The following ISM1 variants were observed in gnomAD, a reference collection of about 807,000 sequenced individuals.
ISM1 encodes isthmin-1.
In ISM1, 25 loss-of-function variants were observed where a neutral mutation model predicts 46.3. That is an observed-to-expected ratio of 0.54 (90% CI 0.39 to 0.75). The LOEUF (loss-of-function observed/expected upper bound fraction) is 0.75, where lower values mean the gene tolerates loss of function less well. ISM1 is among the 30% of genes least tolerant of loss of function. The pLI is 0.00. For synonymous variants in ISM1, 255 were observed against 256.7 expected (o/e 0.99, Z 0.06); for missense variants, 536 against 625.4 (o/e 0.86, Z 1.52).
chr20:13,307,683 G>A, the ISM1 span, among the ~76,000 whole-genome samples: 8 of 152,270 alleles, frequency 5.3e-5, no homozygotes, highest in East Asian at 1.9e-4. Flanking sequence ...AAATGGAATC[G>A]TACAGCACCC....
At chr20:13,257,936 C>T (rs10485765) in intron 1 of ISM1, among the ~76,000 whole-genome samples, 32,829 of 151,880 alleles carry the variant, frequency 0.22, 4,017 homozygotes, top group East Asian at 0.41. Flanking sequence ...CAGCACCGTA[C>T]AGTGAAAGGA....
chr20:13,299,570 T>C lies in ISM1; in HGVS notation c.*111T>C. On this transcript the variant is annotated 3_prime_UTR_variant, in exon 6 of 6. Coordinates refer to ENST00000262487, the MANE Select transcript of ISM1 (RefSeq NM_080826.2). This position sits in a 1 kb window ranked among gnomAD's most constrained non-coding sequence, Gnocchi z 5.8. ...TCATAGCTGCGGTCGTGTATATTTG[T>C]ATATACCACATGAGTATTTCTCATA... 1 of 979,122 alleles carries C rather than the reference T, an allele frequency of 1.0e-6. No homozygotes were observed. Among genetic ancestry groups the C allele is most frequent in the Non-Finnish European group, 1.5e-6 (1 of 657,196 alleles). 60.7% of individuals were successfully genotyped at this position (979,122 alleles called of 1,614,324 possible).
At position 13,273,300 on chromosome 20, in the gene ISM1, T is replaced by A. The variant is rs980306649; in HGVS notation, c.378+2557T>A. On this transcript the variant is annotated intron_variant, in intron 2 of 5. Transcript: ENST00000262487. ...CCTATGCTACGGTACAGTTGTGCAA[T>A]CATGGCTTGTTGAGGCCTTGAACTC... 1.2e-4 allele frequency among the ~76,000 whole-genome samples: 18 copies of A among 149,990 alleles called. 1 individual carries two copies. Among genetic ancestry groups the A allele is most frequent in the African/African-American group, 4.5e-4 (18 of 39,972 alleles).
intron 1 of ISM1, among the ~76,000 whole-genome samples, chr20:13,245,018 A>G (rs1310366635): frequency 6.6e-6 from 1 of 152,238 alleles, no homozygotes; most frequent in East Asian, 1.9e-4. Context: ...AGTCTAGAAG[A>G]AAGAACATGC....
chr20:13,290,606 C>T (rs904523646), intron 4 of ISM1, among the ~76,000 whole-genome samples: 3 of 151,836 alleles, frequency 2.0e-5, no homozygotes, highest in South Asian at 2.1e-4. Flanking sequence ...CCAAGTGAGC[C>T]GAGATCGGGC....
chr20:13,264,521 C>T (rs2040022293), intron 1 of ISM1, among the ~76,000 whole-genome samples: 1 of 152,192 alleles, frequency 6.6e-6, no homozygotes. Context: ...TCCTAATTTG[C>T]CCTGTGGCTT....
the ISM1 span, among the ~76,000 whole-genome samples, chr20:13,319,705 T>C: frequency 1.3e-5 from 2 of 152,022 alleles, no homozygotes; most frequent in Non-Finnish European, 2.9e-5. Context: ...TACAGGAAAA[T>C]GTTTGTATCT....
chr20:13,297,498 AC>A (rs1345639422), intron 5 of ISM1, among the ~76,000 whole-genome samples: 3 of 152,190 alleles, frequency 2.0e-5, no homozygotes, highest in Non-Finnish European at 4.4e-5. Context: ...GTCTGGGGTA[AC>A]CCAAACTAAG....
chr20:13,248,079 C>T (rs1429614794), intron 1 of ISM1, among the ~76,000 whole-genome samples: 2 of 152,142 alleles, frequency 1.3e-5, no homozygotes, highest in Non-Finnish European at 2.9e-5. Flanking sequence ...GTGATGGCAG[C>T]GTCCAAAAGT....
At chr20:13,311,135 A>T in the ISM1 span, among the ~76,000 whole-genome samples, 2 of 152,174 alleles carry the variant, frequency 1.3e-5, no homozygotes, top group African/African-American at 4.8e-5. Flanking sequence ...CGGAGGTTGC[A>T]GTGAGCTGAG....
At chr20:13,317,937 TG>T in the ISM1 span, among the ~76,000 whole-genome samples, 1 of 151,530 alleles carries the variant, frequency 6.6e-6, no homozygotes. Flanking sequence ...AAAAAAGTGT[TG>T]GTAAGCTGGA....
the ISM1 span, among the ~76,000 whole-genome samples, chr20:13,323,238 A>T: frequency 2.6e-5 from 4 of 152,188 alleles, no homozygotes; most frequent in Non-Finnish European, 5.9e-5. Flanking sequence ...CAGGAGAAAC[A>T]CATTGAAGAA....
At chr20:13,326,557 T>C in the ISM1 span, among the ~76,000 whole-genome samples, 1 of 152,140 alleles carries the variant, frequency 6.6e-6, no homozygotes, top group Non-Finnish European at 1.5e-5. Context: ...GCCATTCTAA[T>C]AGGTATATAG....
intron 1 of ISM1, among the ~76,000 whole-genome samples, chr20:13,250,411 G>C (rs1342528488): frequency 6.6e-6 from 1 of 152,130 alleles, no homozygotes; most frequent in Non-Finnish European, 1.5e-5. Context: ...AAGTCCTTGG[G>C]GGCATATGGA....
the ISM1 span, among the ~76,000 whole-genome samples, chr20:13,317,393 T>C: frequency 6.6e-6 from 1 of 152,060 alleles, no homozygotes; most frequent in Non-Finnish European, 1.5e-5. Context: ...TTCAAGGCAA[T>C]CTTATTCAAA....
At chr20:13,313,644 T>C in the ISM1 span, among the ~76,000 whole-genome samples, 1 of 152,234 alleles carries the variant, frequency 6.6e-6, no homozygotes, top group African/African-American at 2.4e-5. Context: ...TCTACATTTC[T>C]TCTTTTAACA....
the ISM1 span, among the ~76,000 whole-genome samples, chr20:13,319,026 T>C: frequency 6.6e-6 from 1 of 152,182 alleles, no homozygotes; most frequent in Admixed American, 6.5e-5. Context: ...CTCTGGGTGA[T>C]AATGATGTGT....
At chr20:13,256,718 G>A (rs766087163) in intron 1 of ISM1, among the ~76,000 whole-genome samples, 4 of 152,130 alleles carry the variant, frequency 2.6e-5, no homozygotes, top group African/African-American at 4.8e-5. Flanking sequence ...CACTCTCCCC[G>A]ACAGCTGTTT....
chr20:13,267,294 C>T (rs2040053160), intron 1 of ISM1, among the ~76,000 whole-genome samples: 1 of 152,162 alleles, frequency 6.6e-6, no homozygotes, highest in Admixed American at 6.5e-5. Context: ...TTACAAACAC[C>T]AAGCCTGTGT....
Sources: allele counts gnomAD v4.1 joint callset (sites outside exome capture counted in the v4.1 genomes callset), GRCh38; gene constraint gnomAD v4.1.1; non-coding constraint Gnocchi (gnomAD v3.1); transcripts MANE v1.5; gene names NCBI Gene and HGNC (gene_info 2026-07-23, HGNC 2026-07-21).